Variants in CALCR observed in about 807,000 individuals in gnomAD.
The protein encoded by CALCR is calcitonin receptor.
In CALCR, 47 loss-of-function variants were observed where a neutral mutation model predicts 59.5. The observed-to-expected ratio is 0.79, with a 90% CI of 0.63 to 1.01. The LOEUF (loss-of-function observed/expected upper bound fraction) is 1.01, where lower values mean the gene tolerates loss of function less well. CALCR is among the 50% of genes least tolerant of loss of function. The pLI is 0.00. For missense variants in CALCR, 566 were observed against 597.1 expected, an observed-to-expected ratio of 0.95 and a Z score of 0.54; for synonymous variants, 213 against 211.3, an observed-to-expected ratio of 1.01 and a Z score of -0.07.
chr7:93,442,771 A>G (rs1348792220), intron 9 of CALCR, among the ~76,000 whole-genome samples: 3 of 152,150 alleles, frequency 2.0e-5, no homozygotes, highest in African/African-American at 4.8e-5. Context: ...CCTTGGCTCT[A>G]TAGTCAGTGA....
At chr7:93,444,737 A>G (rs1799977323) in intron 8 of CALCR, among the ~76,000 whole-genome samples, 1 of 152,100 alleles carries the variant, frequency 6.6e-6, no homozygotes, top group Non-Finnish European at 1.5e-5. Flanking sequence ...AACAATAATG[A>G]CAACGGAATT....
chr7:93,441,667 C>T (rs1292629104), intron 9 of CALCR: 6 of 398,788 alleles, frequency 1.5e-5, no homozygotes, highest in Admixed American at 6.2e-5. Flanking sequence ...ATAGTGATAG[C>T]CTGATTTCTA....
intron 9 of CALCR, among the ~76,000 whole-genome samples, chr7:93,440,697 T>G (rs1283658251): frequency 6.6e-6 from 1 of 152,158 alleles, no homozygotes; most frequent in Non-Finnish European, 1.5e-5. Context: ...TAAATTTTTA[T>G]ATTATTCTGG....
chr7:93,533,604 A>T (rs1182763781), intron 2 of CALCR, among the ~76,000 whole-genome samples: 2 of 151,744 alleles, frequency 1.3e-5, no homozygotes, highest in African/African-American at 4.8e-5. Context: ...AGACTTTTTA[A>T]AAAAAATGTG....
At chr7:93,498,037 G>A (rs1801246724) in intron 2 of CALCR, among the ~76,000 whole-genome samples, 1 of 151,478 alleles carries the variant, frequency 6.6e-6, no homozygotes, top group South Asian at 2.1e-4. Context: ...AAAAGTTACT[G>A]GTCACGTTTT....
chr7:93,486,873 T>C, intron 3 of CALCR, 58 bp downstream of exon 3: 1 of 1,046,336 alleles, frequency 9.6e-7, no homozygotes, highest in East Asian at 2.4e-5. Flanking sequence ...ACTCAAAACA[T>C]TCCTCCTTAT....
At position 93,489,574 on chromosome 7, in the gene CALCR, A is replaced by G. The variant is rs370912767; in HGVS notation, c.-26-2567T>C. The stretch of plus-strand genomic sequence containing the variant: ...ACCAAATAGACACAATAAAATATGA[A>G]AAAGGGGGTATCATCACTGACCCCA... On this transcript the variant is annotated intron_variant, in intron 2 of 13. Transcript: ENST00000426151. Among the ~76,000 whole-genome samples the G allele has an allele frequency of 2.0e-5, 3 of 151,838 alleles. No individual in the cohort carries two copies. The South Asian group carries it at 6.2e-4, about 32-fold the overall frequency.
chr7:93,540,187 T>A (rs996010008), intron 2 of CALCR, among the ~76,000 whole-genome samples: 1 of 152,170 alleles, frequency 6.6e-6, no homozygotes, highest in East Asian at 1.9e-4. Context: ...AGCAGGTAAT[T>A]CAATATTGGA....
chr7:93,472,587 CT>C (rs1800577423), intron 5 of CALCR, 100 bp from the exon 6 acceptor site: 1 of 686,940 alleles, frequency 1.5e-6, no homozygotes, highest in Non-Finnish European at 2.6e-6. Flanking sequence ...ATATTAATCA[CT>C]TTATAGAACT....
intron 2 of CALCR, among the ~76,000 whole-genome samples, chr7:93,502,416 T>C (rs1801337297): frequency 6.6e-6 from 1 of 152,158 alleles, no homozygotes; most frequent in Admixed American, 6.6e-5. Context: ...CGTATTTAAA[T>C]AAACATGCCC....
chr7:93,431,899 C>T (rs543875666), intron 13 of CALCR, among the ~76,000 whole-genome samples: 3 of 152,126 alleles, frequency 2.0e-5, no homozygotes, highest in South Asian at 4.1e-4. Flanking sequence ...ACAAATTGTG[C>T]ATTTTTATAG....
intron 2 of CALCR, chr7:93,559,858 G>A (rs1267936922): frequency 6.6e-6 from 1 of 151,934 alleles, no homozygotes; most frequent in Non-Finnish European, 1.5e-5. Context: ...CTGTCTGGTG[G>A]CTTACATAAC....
chr7:93,562,794 C>A (rs1157900731), intron 2 of CALCR, among the ~76,000 whole-genome samples: 1 of 152,100 alleles, frequency 6.6e-6, no homozygotes, highest in Non-Finnish European at 1.5e-5. Context: ...TTTTCTAATT[C>A]ATGGGGAAAT....
Position 93,457,123 on chromosome 7 carries a change from A to G in CALCR, c.648+3698T>C, listed in dbSNP as rs542291348. Among the ~76,000 whole-genome samples, 282 of 152,302 alleles carry G rather than the reference A, an allele frequency of 1.9e-3. 1 individual carries two copies. The highest frequency in any genetic ancestry group is 6.5e-3 in the African/African-American group (272 of 41,576). ...GAAAGTGGAAACATCTAGCAATGACAATAATGAGACTGCCAAGAGCAATTA... is the reference window on the plus strand; with the variant it reads ...GAAAGTGGAAACATCTAGCAATGACGATAATGAGACTGCCAAGAGCAATTA... On this transcript the variant is annotated intron_variant, in intron 8 of 13. Transcript: ENST00000426151.
At chr7:93,483,408 T>G (rs998761012) in intron 3 of CALCR, among the ~76,000 whole-genome samples, 1 of 140,846 alleles carries the variant, frequency 7.1e-6, no homozygotes, top group African/African-American at 2.8e-5. Context: ...GGGCTGACTG[T>G]ATAGATAGAT....
intron 2 of CALCR, among the ~76,000 whole-genome samples, chr7:93,521,052 A>G (rs1295093905): frequency 6.6e-6 from 1 of 152,092 alleles, no homozygotes; most frequent in Non-Finnish European, 1.5e-5. Flanking sequence ...TTCCTTCCCT[A>G]TGTTTCACAG....
intron 5 of CALCR, among the ~76,000 whole-genome samples, chr7:93,476,085 T>A (rs1207510108): frequency 6.7e-6 from 1 of 149,376 alleles, no homozygotes; most frequent in Non-Finnish European, 1.5e-5. Flanking sequence ...AAGCTCACAA[T>A]TTTTTTTTTC....
chr7:93,496,403 A>C (rs1246875553), intron 2 of CALCR, among the ~76,000 whole-genome samples: 1 of 151,510 alleles, frequency 6.6e-6, no homozygotes, highest in Non-Finnish European at 1.5e-5. Flanking sequence ...CCATCTATAG[A>C]ATATCCTTTG....
chr7:93,572,654 T>A (rs1426417165), intron 2 of CALCR, among the ~76,000 whole-genome samples: 1 of 152,132 alleles, frequency 6.6e-6, no homozygotes, highest in Admixed American at 6.5e-5. Flanking sequence ...ATGGCACAAC[T>A]AAACTAATAG....
Sources: gnomAD v4.1 joint callset for allele counts (sites outside exome capture counted in the v4.1 genomes callset) on GRCh38, gnomAD v4.1.1 for gene constraint, MANE v1.5 for transcripts, NCBI Gene and HGNC (gene_info 2026-07-23, HGNC 2026-07-21) for gene names.